The following MED15 variants were observed in gnomAD, a reference collection of about 807,000 sequenced individuals.
The protein encoded by MED15 is mediator of RNA polymerase II transcription subunit 15.
Under a neutral mutation model 118.7 loss-of-function variants are expected in MED15, and 41 were observed. The ratio of observed to expected loss-of-function variants is 0.35; its 90% CI spans 0.27 to 0.45. The LOEUF (loss-of-function observed/expected upper bound fraction) is 0.45. Among genes scored for constraint, MED15 ranks in the 20% least tolerant of loss-of-function variants. MED15 has a pLI of 1.00. For synonymous variants in MED15, 436 were observed against 413.9 expected (o/e 1.05, Z -0.65); for missense variants, 740 against 1,025.5 (o/e 0.72, Z 3.80).
chr22:20,557,845 G>A (rs1404118274), intron 5 of MED15, among the ~76,000 whole-genome samples: 5 of 152,194 alleles, frequency 3.3e-5, no homozygotes, highest in South Asian at 2.1e-4. Context: ...GGTGGCTCAC[G>A]CCTGTAATCC....
chr22:20,518,726 A>G (rs1164894480), intron 1 of MED15, among the ~76,000 whole-genome samples: 17 of 152,244 alleles, frequency 1.1e-4, no homozygotes. Flanking sequence ...TGTGGAAAGC[A>G]GTGCTGGCTT....
At chr22:20,551,261 A>G in intron 2 of MED15, 175 bp from the exon 3 acceptor site, 1 of 748,590 alleles carries the variant, frequency 1.3e-6, no homozygotes, top group Non-Finnish European at 2.5e-6. Context: ...AGCCTAGCTG[A>G]GCACTGACGG....
chr22:20,525,566 C>T (rs2054609839), intron 1 of MED15, among the ~76,000 whole-genome samples: 1 of 124,332 alleles, frequency 8.0e-6, no homozygotes, highest in African/African-American at 3.0e-5. Context: ...GACGGAGTTT[C>T]ACTCTTGTTG....
chr22:20,551,302 G>T (rs917104012), intron 2 of MED15, 134 bp from the exon 3 acceptor site: 3 of 839,910 alleles, frequency 3.6e-6, no homozygotes, highest in Non-Finnish European at 6.3e-6. Flanking sequence ...TCCAGAGGAG[G>T]CCGAGCAAGC....
intron 14 of MED15, 170 bp downstream of exon 14, chr22:20,584,595 G>A (rs1025133668): frequency 6.8e-6 from 6 of 886,174 alleles, no homozygotes; most frequent in Non-Finnish European, 6.9e-6. Flanking sequence ...GTGGGAACAT[G>A]GGAGAAGTCA....
chr22:20,510,845 A>T (rs1373984637), intron 1 of MED15, among the ~76,000 whole-genome samples: 1 of 152,234 alleles, frequency 6.6e-6, no homozygotes, highest in Non-Finnish European at 1.5e-5. Context: ...TTACATCTGC[A>T]GAATTCCTTT....
intron 9 of MED15, among the ~76,000 whole-genome samples, chr22:20,577,183 A>G (rs762182421): frequency 4.6e-5 from 7 of 152,126 alleles, no homozygotes; most frequent in Admixed American, 1.3e-4. Flanking sequence ...TTGGCCTCTC[A>G]GCAGGATTCT....
At chr22:20,572,685 A>G (rs915252083) in intron 8 of MED15, among the ~76,000 whole-genome samples, 4 of 152,226 alleles carry the variant, frequency 2.6e-5, no homozygotes, top group African/African-American at 9.6e-5. Flanking sequence ...TTGGGAAGCC[A>G]AGGTGAGAGG....
chr22:20,544,681 CAA>C (rs1304966786), intron 2 of MED15, among the ~76,000 whole-genome samples: 1 of 151,628 alleles, frequency 6.6e-6, no homozygotes, highest in African/African-American at 2.4e-5. Context: ...AACAAACAAA[CAA>C]ACAAATTTAA....
chr22:20,522,913 C>T (rs2054512470), intron 1 of MED15: 1 of 152,228 alleles, frequency 6.6e-6, no homozygotes. Flanking sequence ...GGTGGAGCCC[C>T]ATCAGCCTCC....
In MED15 at chr22:20,582,857, C is replaced by T. The variant is rs2057030361; in HGVS notation, c.1427C>T (p.Ser476Phe). 6.2e-7 allele frequency: 1 copy of T among 1,612,890 alleles called. No homozygotes were observed. Among genetic ancestry groups the T allele is most frequent in the African/African-American group, 1.3e-5 (1 of 74,908 alleles). ...NSNVSSGPAP[S>F]PSSFLPSPSP... ...GGCTGCAGCTCTGGCCCTGCCCCAT[C>T]TCCCAGTAGCTTCCTGCCCAGCCCC... The change falls in exon 11 of 18, where the codon TCT becomes TTT. Residue 476 changes from serine to phenylalanine, a missense_variant. Physicochemically the swap from Ser to Phe is radical, Grantham distance 155. This residue lies in a region of MED15 where 384 missense variants were observed against 506.3 expected (regional missense o/e 0.76). Transcript: ENST00000263205.
chr22:20,542,646 A>G (rs1601531032), intron 2 of MED15, among the ~76,000 whole-genome samples: 1 of 152,200 alleles, frequency 6.6e-6, no homozygotes, highest in Non-Finnish European at 1.5e-5. Flanking sequence ...AGGGTAGCAC[A>G]TGTTTGAGGC....
chr22:20,564,615 A>G lies in MED15; in HGVS notation c.617A>G (p.Gln206Arg). 6.2e-7 allele frequency: 1 copy of G among 1,610,386 alleles called. No homozygotes were observed. The highest frequency in any genetic ancestry group is 1.1e-5 in the South Asian group (1 of 90,550). ...CAGCAGTTCCAAGCAGTAGTGCAGC[A>G]GCAGCAGCAGCTCCAGCAGCAGCAG... is the stretch of plus-strand genomic sequence containing the variant. ...MQQQFQAVVQQQQQLQQQQQQ... is the reference protein window; with the variant it reads ...MQQQFQAVVQRQQQLQQQQQQ... The change falls in exon 6 of 18, where the codon CAG becomes CGG. Residue 206 changes from glutamine to arginine, a missense_variant. Gln to Arg is a conservative substitution (Grantham distance 43). Transcript: ENST00000263205.
chr22:20,584,157 C>T lies in MED15; in HGVS notation c.1737-202C>T. The T allele has an allele frequency of 8.3e-6, 5 of 605,714 alleles. No individual in the cohort carries two copies. In the South Asian group the frequency reaches 9.7e-5, roughly 12 times the overall value. 37.5% of individuals were successfully genotyped at this position (605,714 alleles called of 1,614,324 possible). ...ACTGTCCCTTCTCTTGACCCATCAC[C>T]TCACTCTGCCAACCAGGGACAAGCA... is the stretch of plus-strand genomic sequence containing the variant. On this transcript the variant is annotated intron_variant, in intron 13 of 17. Transcript: ENST00000263205.
intron 1 of MED15, among the ~76,000 whole-genome samples, chr22:20,508,653 G>A (rs577347231): frequency 2.6e-5 from 4 of 152,272 alleles, no homozygotes; most frequent in South Asian, 4.1e-4. Flanking sequence ...TTAAGGGTGG[G>A]GGAGATTACA....
chr22:20,525,976 A>G (rs556950626), intron 1 of MED15, among the ~76,000 whole-genome samples: 1 of 150,796 alleles, frequency 6.6e-6, no homozygotes, highest in Non-Finnish European at 1.5e-5. Context: ...GCTGTAGTGT[A>G]GTGGCACGAT....
chr22:20,551,373 G>A (rs910318511), intron 2 of MED15, 63 bp from the exon 3 acceptor site: 1 of 1,465,574 alleles, frequency 6.8e-7, no homozygotes, highest in Non-Finnish European at 9.6e-7. Flanking sequence ...GGGGCGGGAA[G>A]GGGGAGTCCG....
At chr22:20,509,479 A>AGATT (rs2053988865) in intron 1 of MED15, among the ~76,000 whole-genome samples, 1 of 151,510 alleles carries the variant, frequency 6.6e-6, no homozygotes, top group Admixed American at 6.6e-5. Context: ...GTCGGGCGGG[A>AGATT]GATTATAAAG....
chr22:20,549,436 G>T (rs917043591), intron 2 of MED15, among the ~76,000 whole-genome samples: 1 of 152,050 alleles, frequency 6.6e-6, no homozygotes, highest in Non-Finnish European at 1.5e-5. Context: ...GGAGCAGAAA[G>T]GGGCATAATA....
Sources: gnomAD v4.1 joint callset for allele counts (sites outside exome capture counted in the v4.1 genomes callset) on GRCh38, gnomAD v4.1.1 for gene constraint, gnomAD v4.1.1 regional missense constraint, MANE v1.5 for transcripts, NCBI Gene and HGNC (gene_info 2026-07-23, HGNC 2026-07-21) for gene names.